Variants in SLC44A5 observed in about 807,000 individuals in gnomAD.
The protein encoded by SLC44A5 is solute carrier family 44 member 5.
SLC44A5 carries 57 observed loss-of-function variants against 101.8 expected under a neutral mutation model. That is an observed-to-expected ratio of 0.56 (90% CI 0.45 to 0.70). The LOEUF is 0.70. Among genes scored for constraint, SLC44A5 ranks in the 30% least tolerant of loss-of-function variants. The pLI, the probability that SLC44A5 is intolerant of heterozygous loss-of-function variation, is 0.00. For synonymous variants in SLC44A5, 281 were observed against 290.9 expected, an observed-to-expected ratio of 0.97 and a Z score of 0.35; for missense variants, 737 against 853.1, an observed-to-expected ratio of 0.86 and a Z score of 1.70.
At chr1:75,593,261 A>T (rs961905988) in intron 1 of SLC44A5, among the ~76,000 whole-genome samples, 5 of 152,150 alleles carry the variant, frequency 3.3e-5, no homozygotes, top group Non-Finnish European at 4.4e-5. Context: ...TTATCAGAGA[A>T]ATACAAATCA....
At chr1:75,571,749 C>T (rs1021143875) in intron 1 of SLC44A5, among the ~76,000 whole-genome samples, 30 of 152,078 alleles carry the variant, frequency 2.0e-4, no homozygotes, top group Non-Finnish European at 2.9e-5. Flanking sequence ...TGACTTACGA[C>T]ATTTTCAACT....
intron 3 of SLC44A5, among the ~76,000 whole-genome samples, chr1:75,353,731 C>T (rs1470904764): frequency 1.3e-5 from 2 of 152,204 alleles, no homozygotes; most frequent in Non-Finnish European, 2.9e-5. Context: ...GTCTAAACAG[C>T]CAGCCGGATT....
At chr1:75,228,179 C>A (rs75724760) in intron 12 of SLC44A5, among the ~76,000 whole-genome samples, 1 of 152,064 alleles carries the variant, frequency 6.6e-6, no homozygotes, top group African/African-American at 2.4e-5. Context: ...GTCAAAAACT[C>A]CTCCTAAGGT....
chr1:75,460,316 T>C (rs142697973), intron 2 of SLC44A5, among the ~76,000 whole-genome samples: 9 of 152,332 alleles, frequency 5.9e-5, no homozygotes, highest in Admixed American at 1.3e-4. Context: ...TTGGAATGAA[T>C]TGAAATTTCT....
At chr1:75,559,455 G>A (rs1369671467) in intron 1 of SLC44A5, among the ~76,000 whole-genome samples, 1 of 152,074 alleles carries the variant, frequency 6.6e-6, no homozygotes, top group African/African-American at 2.4e-5. Flanking sequence ...ACCAAATATT[G>A]GATCTGATAA....
chr1:75,448,571 C>G (rs751655849), intron 2 of SLC44A5, among the ~76,000 whole-genome samples: 1 of 152,154 alleles, frequency 6.6e-6, no homozygotes, highest in Admixed American at 6.5e-5. Flanking sequence ...CATCCTAAAT[C>G]TAATCCATCA....
intron 1 of SLC44A5, among the ~76,000 whole-genome samples, chr1:75,604,905 A>G (rs1343367706): frequency 6.6e-6 from 1 of 151,992 alleles, no homozygotes; most frequent in East Asian, 1.9e-4. Flanking sequence ...TTTCAGTTCC[A>G]AAAGTCTTTG....
chr1:75,708,091 T>G, the SLC44A5 span, among the ~76,000 whole-genome samples: 3 of 152,080 alleles, frequency 2.0e-5, no homozygotes, highest in Non-Finnish European at 4.4e-5. Flanking sequence ...GTAAAATATT[T>G]CTAGAGATTA....
chr1:75,413,585 C>T (rs530152943), intron 2 of SLC44A5, among the ~76,000 whole-genome samples: 1 of 152,222 alleles, frequency 6.6e-6, no homozygotes, highest in East Asian at 1.9e-4. Context: ...TAGTACTTCA[C>T]AATGTGAGGT....
the SLC44A5 span, among the ~76,000 whole-genome samples, chr1:75,642,989 T>C: frequency 6.6e-6 from 1 of 152,196 alleles, no homozygotes; most frequent in Non-Finnish European, 1.5e-5. Context: ...CTTCCCCTGA[T>C]TTCATCACAG....
chr1:75,403,420 G>A (rs552867062), intron 2 of SLC44A5, among the ~76,000 whole-genome samples: 43 of 152,222 alleles, frequency 2.8e-4, no homozygotes, highest in African/African-American at 9.9e-4. Context: ...TCCCAGCAGG[G>A]GTCGACAGAC....
rs189902320 is a variant in SLC44A5, at chr1:75,609,786, G to C, written c.-70+1254C>G. Among the ~76,000 whole-genome samples the C allele has an allele frequency of 3.2e-3, 488 of 152,180 alleles. 3 individuals are homozygous for C. The highest frequency in any genetic ancestry group is 0.011 in the African/African-American group (476 of 41,526). ...ACTAGTAACAAATATTACATTTCAT[G>C]ATAGAGGTGCAAAAATAATGAACCA... On this transcript the variant is annotated intron_variant, in intron 1 of 23. Coordinates refer to ENST00000370859, the MANE Select transcript of SLC44A5 (RefSeq NM_001130058.2).
chr1:75,574,036 T>C (rs915810253), intron 1 of SLC44A5, among the ~76,000 whole-genome samples: 3 of 152,200 alleles, frequency 2.0e-5, no homozygotes, highest in African/African-American at 7.2e-5. Context: ...CTCAGCTGAA[T>C]AACCTTCATG....
At chr1:75,442,328 C>T (rs752455013) in intron 2 of SLC44A5, among the ~76,000 whole-genome samples, 3 of 152,214 alleles carry the variant, frequency 2.0e-5, no homozygotes, top group Admixed American at 6.6e-5. Flanking sequence ...CTACTGCAAT[C>T]GGGCTTTGCG....
intron 4 of SLC44A5, among the ~76,000 whole-genome samples, chr1:75,334,797 G>A (rs1657314394): frequency 6.6e-6 from 1 of 152,118 alleles, no homozygotes; most frequent in Non-Finnish European, 1.5e-5. Context: ...ATATAAAGGG[G>A]ACATTTTGAA....
At chr1:75,683,759 C>CAAAT in the SLC44A5 span, among the ~76,000 whole-genome samples, 9 of 63,248 alleles carry the variant, frequency 1.4e-4, no homozygotes, top group East Asian at 1.0e-3. Context: ...AGTATAATAA[C>CAAAT]AAATAAATAA....
intron 22 of SLC44A5, among the ~76,000 whole-genome samples, chr1:75,212,869 C>T (rs1646885946): frequency 6.6e-6 from 1 of 152,068 alleles, no homozygotes. Context: ...AGGGCTTCAC[C>T]CAGATCTACA....
intron 2 of SLC44A5, among the ~76,000 whole-genome samples, chr1:75,534,281 GA>G (rs1326376323): frequency 2.7e-5 from 4 of 148,254 alleles, no homozygotes; most frequent in African/African-American, 5.0e-5. Flanking sequence ...ATGTAAAAAA[GA>G]AAAAAAAAAT....
chr1:75,477,416 A>G (rs911082007), intron 2 of SLC44A5, among the ~76,000 whole-genome samples: 9 of 152,248 alleles, frequency 5.9e-5, no homozygotes, highest in Admixed American at 4.6e-4. Flanking sequence ...AATGACTTTG[A>G]CGAGTTGAGA....
Sources: allele counts gnomAD v4.1 joint callset (sites outside exome capture counted in the v4.1 genomes callset), GRCh38; gene constraint gnomAD v4.1.1; transcripts MANE v1.5; gene names NCBI Gene and HGNC (gene_info 2026-07-23, HGNC 2026-07-21).